UGT2A3: variants seen among roughly 807,000 people sequenced by gnomAD.
The protein encoded by UGT2A3 is UDP-glucuronosyltransferase 2A3.
Under a neutral mutation model 44.1 loss-of-function variants are expected in UGT2A3, and 55 were observed. The observed-to-expected ratio is 1.25, with a 90% CI of 1.00 to 1.56. The LOEUF (loss-of-function observed/expected upper bound fraction) is 1.56. Ranked by LOEUF, UGT2A3 falls within the 40% of genes most tolerant of loss-of-function variation. UGT2A3 has a pLI of 0.00. For synonymous variants in UGT2A3, 243 were observed against 215.1 expected, an observed-to-expected ratio of 1.13 and a Z score of -1.13; for missense variants, 733 against 621.6, an observed-to-expected ratio of 1.18 and a Z score of -1.91.
Position 68,951,646 on chromosome 4 carries a change from C to CATT in UGT2A3, c.112_114dup (p.Asn38dup). 1 of 1,612,554 alleles carries CATT rather than the reference C, an allele frequency of 6.2e-7. No individual in the cohort carries two copies. Among genetic ancestry groups the CATT allele is most frequent in the Non-Finnish European group, 8.5e-7 (1 of 1,179,400 alleles). On this transcript the variant is annotated inframe_insertion, in exon 1 of 6. Transcript: ENST00000251566. The stretch of plus-strand genomic sequence containing the variant: ...ATGAGCTCTTCTAGAATGACCTTGA[C>CATT]ATTAAGCCAATGGCTCATGTCACAG...
At chr4:68,934,609 T>C (rs1268797577) in intron 2 of UGT2A3, among the ~76,000 whole-genome samples, 1 of 151,960 alleles carries the variant, frequency 6.6e-6, no homozygotes, top group African/African-American at 2.4e-5. Context: ...TAGAGGCTCA[T>C]ATCTATAAAC....
chr4:68,951,520 G>A lies in UGT2A3; in HGVS notation c.241C>T (p.Gln81Ter). ...ALKFEVVHMP[Q>*]DRTEENEIFV... is the part of the protein sequence containing the mutation. ...ATTTCATTTTCTTCTGTTCTGTCCT[G>A]TGGCATATGGACCACCTCAAATTTC... The change falls in exon 1 of 6, where the codon CAG (glutamine) becomes TAG (stop). Residue 81 changes from glutamine to a stop codon, truncating the protein, a stop_gained. Transcript: ENST00000251566. LOFTEE classifies it high-confidence loss of function. The A allele has an allele frequency of 2.5e-6, 4 of 1,612,888 alleles. No homozygotes were observed. The highest frequency in any genetic ancestry group is 3.4e-6 in the Non-Finnish European group (4 of 1,179,390).
intron 1 of UGT2A3, among the ~76,000 whole-genome samples, chr4:68,945,727 GGAAGGAAA>G (rs1251060097): frequency 3.8e-5 from 3 of 79,202 alleles, no homozygotes; most frequent in Non-Finnish European, 1.2e-4. Flanking sequence ...AAGGAAGGAA[GGAAGGAAA>G]GAAGGAAGGA....
intron 2 of UGT2A3, among the ~76,000 whole-genome samples, chr4:68,934,154 T>C (rs1717848859): frequency 1.3e-5 from 2 of 151,816 alleles, no homozygotes; most frequent in Admixed American, 1.3e-4. Context: ...AAATTCACAA[T>C]AATCTCTTTG....
At chr4:68,932,818 G>C in intron 2 of UGT2A3, 59 bp from the exon 3 acceptor site, 1 of 1,501,146 alleles carries the variant, frequency 6.7e-7, no homozygotes, top group Non-Finnish European at 9.1e-7. Context: ...TTAAAATAAA[G>C]GTTACTTACA....
rs1398128152 is a variant in UGT2A3 at position 68,951,353 on chromosome 4, C to G, written c.408G>C (p.Lys136Asn). ...ESFIYNQTLMKKLQETNYDVM... is the reference protein window; with the variant it reads ...ESFIYNQTLMNKLQETNYDVM... ...CATCGTAGTTGGTTTCCTGTAGCTT[C>G]TTCATAAGCGTCTGATTGTAGATAA... Residue 136 changes from lysine (K) to asparagine (N), a missense_variant, in exon 1 of 6, where the codon AAG (lysine) becomes AAC (asparagine). Coordinates refer to ENST00000251566, the MANE Select transcript of UGT2A3 (RefSeq NM_024743.4). 6.2e-7 allele frequency: 1 copy of G among 1,612,664 alleles called. No individual in the cohort carries two copies. The highest frequency in any genetic ancestry group is 8.5e-7 in the Non-Finnish European group (1 of 1,179,226).
At chr4:68,947,594 G>C (rs1326186409) in intron 1 of UGT2A3, among the ~76,000 whole-genome samples, 1 of 151,630 alleles carries the variant, frequency 6.6e-6, no homozygotes, top group Non-Finnish European at 1.5e-5. Context: ...ATGGAATCTA[G>C]AATGAAAAAT....
Position 68,945,347 on chromosome 4 carries a change from C to A in UGT2A3, c.823G>T (p.Val275Phe), listed in dbSNP as rs1718344810. 1 of 1,611,400 alleles carries A rather than the reference C, an allele frequency of 6.2e-7. No homozygotes were observed. Among genetic ancestry groups the A allele is most frequent in the Admixed American group, 1.7e-5 (1 of 59,690 alleles). The stretch of plus-strand genomic sequence containing the variant: ...GCAGGTTTACAGTGCAATCCTCCAA[C>A]AAACTCAAAGTTAGGTTGGTATGGT... ...PQPYQPNFEFVGGLHCKPAKA... is the reference protein window; with the variant it reads ...PQPYQPNFEFFGGLHCKPAKA... Residue 275 changes from valine (V) to phenylalanine (F), a missense_variant, in exon 2 of 6, where the codon GTT becomes TTT. Coordinates refer to ENST00000251566, the MANE Select transcript of UGT2A3 (RefSeq NM_024743.4).
intron 2 of UGT2A3, among the ~76,000 whole-genome samples, chr4:68,933,483 G>A (rs1460639138): frequency 6.6e-5 from 10 of 152,026 alleles, no homozygotes; most frequent in African/African-American, 2.4e-4. Context: ...AACCACCTGA[G>A]TTGAATTGGA....
At chr4:68,939,887 G>A (rs964808025) in intron 2 of UGT2A3, among the ~76,000 whole-genome samples, 1 of 152,092 alleles carries the variant, frequency 6.6e-6, no homozygotes, top group Non-Finnish European at 1.5e-5. Flanking sequence ...AGTGGGCAAA[G>A]GATATGAACA....
intron 2 of UGT2A3, among the ~76,000 whole-genome samples, chr4:68,938,234 C>A (rs973703144): frequency 6.6e-6 from 1 of 152,020 alleles, no homozygotes; most frequent in Non-Finnish European, 1.5e-5. Flanking sequence ...GATACCAAAG[C>A]CTGGCAGAGA....
rs140891830 is a variant in UGT2A3, at chr4:68,930,010, C to T, written c.1387G>A (p.Glu463Lys). The T allele has an allele frequency of 1.4e-5, 23 of 1,613,438 alleles. No individual in the cohort carries two copies. Among genetic ancestry groups the T allele is most frequent in the African/African-American group, 1.2e-4 (9 of 74,874 alleles). Residue 463 changes from glutamate to lysine, a missense_variant, in exon 6 of 6, where the codon GAG becomes AAG. Transcript: ENST00000251566. ...KPLDRAVFWI[E>K]FVMRHKGAKH... is the part of the protein sequence containing the mutation. ...GCTCCTTTGTGGCGCATGACAAACT[C>T]GATCCAGAAGACTGCTCGATCTAGG...
chr4:68,932,148 T>C (rs545618510), intron 3 of UGT2A3, among the ~76,000 whole-genome samples: 1 of 152,048 alleles, frequency 6.6e-6, no homozygotes, highest in South Asian at 2.1e-4. Context: ...TAATTGACAT[T>C]TTACTTTTGA....
chr4:68,950,314 G>A lies in UGT2A3; in HGVS notation c.715+732C>T, dbSNP rs72501216. ...TGAAACAGTCTATGCATAAGAATTC[G>A]TTGGAATACATTAAACAATATTTTA... On this transcript the variant is annotated intron_variant, in intron 1 of 5. Transcript: ENST00000251566. Among the ~76,000 whole-genome samples, 639 of 151,976 alleles carry A rather than the reference G, an allele frequency of 4.2e-3. 11 individuals are homozygous for A. The East Asian group carries it at 0.051, about 12-fold the overall frequency.
At chr4:68,938,854 T>A (rs1048008436) in intron 2 of UGT2A3, among the ~76,000 whole-genome samples, 3 of 152,172 alleles carry the variant, frequency 2.0e-5, no homozygotes, top group African/African-American at 4.8e-5. Flanking sequence ...TTCAGCAAAG[T>A]CTGAGGATAC....
rs1415512332 is a variant in UGT2A3, at chr4:68,931,092, C to A, written c.1084+63G>T. The stretch of plus-strand genomic sequence containing the variant: ...TTTAGATCTTTGCTGAATTTGCTTG[C>A]TGTTTAACATTTATTCATTTTTTCC... On this transcript the variant is annotated intron_variant, in intron 4 of 5. Coordinates refer to ENST00000251566, the MANE Select transcript of UGT2A3 (RefSeq NM_024743.4). 3.1e-6 allele frequency: 4 copies of A among 1,301,388 alleles called. No individual in the cohort carries two copies. In the South Asian group the frequency reaches 4.0e-5, roughly 13 times the overall value. The allele number at this position is 1,301,388 out of a possible 1,614,324, so 80.6% of individuals were successfully genotyped here.
chr4:68,929,161 A>T lies in UGT2A3; in HGVS notation c.*652T>A, dbSNP rs1717625154. 6.6e-6 allele frequency: 1 copy of T among 152,132 alleles called. No homozygotes were observed. Among genetic ancestry groups the T allele is most frequent in the South Asian group, 2.1e-4 (1 of 4,832 alleles). 9.4% of individuals were successfully genotyped at this position (152,132 alleles called of 1,614,324 possible). On this transcript the variant is annotated 3_prime_UTR_variant, in exon 6 of 6. Transcript: ENST00000251566. ...TTTCTTTTGTTATTTGATGGCAATC[A>T]TGAGAAAGGTCTTTTTATCATCAAG...
Position 68,928,998 on chromosome 4 carries a change from T to C in UGT2A3, c.*815A>G, listed in dbSNP as rs1433774418. Reference sequence around the variant, plus strand: ...TTTTTAAAGAATAAACATATAAATCTTCTTTAAGTGTACTATCAAATAAAT... The same window carrying C: ...TTTTTAAAGAATAAACATATAAATCCTCTTTAAGTGTACTATCAAATAAAT... On this transcript the variant is annotated 3_prime_UTR_variant, in exon 6 of 6. Coordinates refer to ENST00000251566, the MANE Select transcript of UGT2A3 (RefSeq NM_024743.4). The C allele has an allele frequency of 6.6e-6, 1 of 152,120 alleles. No homozygotes were observed. Among genetic ancestry groups the C allele is most frequent in the Non-Finnish European group, 1.5e-5 (1 of 67,980 alleles). 9.4% of individuals were successfully genotyped at this position (152,120 alleles called of 1,614,324 possible).
intron 2 of UGT2A3, among the ~76,000 whole-genome samples, chr4:68,938,258 G>T (rs1718031330): frequency 6.6e-6 from 1 of 151,990 alleles, no homozygotes; most frequent in Non-Finnish European, 1.5e-5. Context: ...AACAAAAAAA[G>T]AGAATTTTAG....
Sources: gnomAD v4.1 joint callset for allele counts (sites outside exome capture counted in the v4.1 genomes callset) on GRCh38, gnomAD v4.1.1 for gene constraint, MANE v1.5 for transcripts, NCBI Gene and HGNC (gene_info 2026-07-23, HGNC 2026-07-21) for gene names.